Variants in NCR1 observed in about 807,000 individuals in gnomAD.
NCR1 encodes the protein NK cell-activating receptor.
NCR1 carries 30 observed loss-of-function variants against 32.5 expected under a neutral mutation model. The ratio of observed to expected loss-of-function variants is 0.92; its 90% CI spans 0.69 to 1.25. NCR1 has a LOEUF of 1.25. NCR1 is among the 50% of genes most tolerant of loss of function. The pLI, the probability that NCR1 is intolerant of heterozygous loss-of-function variation, is 0.00. For missense variants in NCR1, 369 were observed against 380.7 expected (o/e 0.97, Z 0.26); for synonymous variants, 169 against 143.4 (o/e 1.18, Z -1.28).
At chr19:54,906,467 C>T in intron 2 of NCR1, 56 bp from the exon 3 acceptor site, 1 of 1,599,474 alleles carries the variant, frequency 6.3e-7, no homozygotes, top group East Asian at 2.2e-5. Flanking sequence ...CTGGGTGGAG[C>T]CTAAGGTTGG....
In NCR1 at chr19:54,909,336, A is replaced by C. The variant is rs2067823613; in HGVS notation, c.447A>C (p.Ala149=). 1 of 1,614,158 alleles carries C rather than the reference A, an allele frequency of 6.2e-7. No individual in the cohort carries two copies. The highest frequency in any genetic ancestry group is 8.5e-7 in the Non-Finnish European group (1 of 1,180,014). Residue 149 remains alanine (A), a synonymous_variant, in exon 4 of 7, where the codon GCA becomes GCC. Transcript: ENST00000291890. The part of the protein sequence containing the change: ...KVTFYCRLDT[A]TSMFLLLKEG... ...CCTTCTACTGCCGTCTAGACACTGCAACAAGCATGTTCTTACTGCTCAAGG... is the reference window on the plus strand; with the variant it reads ...CCTTCTACTGCCGTCTAGACACTGCCACAAGCATGTTCTTACTGCTCAAGG...
At chr19:54,906,364 C>T (rs369089176) in intron 2 of NCR1, 30 bp downstream of exon 2, 48 of 1,611,722 alleles carry the variant, frequency 3.0e-5, no homozygotes, top group Non-Finnish European at 4.0e-5. Flanking sequence ...CCCAGGGTCA[C>T]TCTTCCGGAT....
chr19:54,912,969 C>A lies in NCR1; in HGVS notation c.*98C>A. Reference sequence around the variant, plus strand: ...GTGTTGGACCCACGGAGGAGGGAGTCACTGCAGGGAAAGAGGGACACTGGC... The same window carrying A: ...GTGTTGGACCCACGGAGGAGGGAGTAACTGCAGGGAAAGAGGGACACTGGC... On this transcript the variant is annotated 3_prime_UTR_variant, in exon 7 of 7. Coordinates refer to ENST00000291890, the MANE Select transcript of NCR1 (RefSeq NM_004829.7). The A allele has an allele frequency of 8.4e-7, 1 of 1,191,362 alleles. No homozygotes were observed. The highest frequency in any genetic ancestry group is 1.5e-5 in the South Asian group (1 of 65,670). The allele number at this position is 1,191,362 out of a possible 1,614,324, so 73.8% of individuals were successfully genotyped here. A position where few individuals can be genotyped will look rare whatever the true frequency, so the allele number is the denominator to read the frequency against.
the NCR1 span, chr19:54,936,299 G>A: frequency 2.5e-6 from 4 of 1,613,922 alleles, no homozygotes; most frequent in African/African-American, 1.3e-5. Flanking sequence ...TTCTGAGCAG[G>A]TCACACAGCA....
chr19:54,921,317 G>A, the NCR1 span, among the ~76,000 whole-genome samples: 2 of 152,158 alleles, frequency 1.3e-5, no homozygotes, highest in Non-Finnish European at 1.5e-5. Flanking sequence ...ACTACCAGCT[G>A]ACTGTAGCCT....
At chr19:54,931,096 G>A in the NCR1 span, among the ~76,000 whole-genome samples, 1 of 152,120 alleles carries the variant, frequency 6.6e-6, no homozygotes, top group African/African-American at 2.4e-5. Flanking sequence ...CCATGAACTG[G>A]AGCTATATAC....
At chr19:54,912,607 A>AG in intron 6 of NCR1, 83 bp from the exon 7 acceptor site, 1 of 41,096 alleles carries the variant, frequency 2.4e-5, no homozygotes, top group South Asian at 4.4e-4. Flanking sequence ...CTCAAAAAAA[A>AG]AAAAAAAAAA....
At position 54,908,594 on chromosome 19, in the gene NCR1, G is replaced by A. The variant is rs187632651; in HGVS notation, c.356-651G>A. 2.4e-3 allele frequency among the ~76,000 whole-genome samples: 361 copies of A among 152,082 alleles called. 2 individuals are homozygous for A. Among genetic ancestry groups the A allele is most frequent in the African/African-American group, 8.2e-3 (340 of 41,506 alleles). On this transcript the variant is annotated intron_variant, in intron 3 of 6. Coordinates refer to ENST00000291890, the MANE Select transcript of NCR1 (RefSeq NM_004829.7). ...AGAGGCGCCCCCCCACCTCCCAGAC[G>A]GGGCAGTGGCCGGGCGGGGGCTGCC...
At chr19:54,918,702 G>A (rs1159386309), downstream of NCR1, among the ~76,000 whole-genome samples, 1 of 151,834 alleles carries the variant, frequency 6.6e-6, no homozygotes, top group Admixed American at 6.6e-5. Flanking sequence ...AGCCAGGCAC[G>A]GTGGCGGTGG....
At position 54,906,796 on chromosome 19, in the gene NCR1, TG is replaced by T. The variant is rs1228304424; in HGVS notation, c.346del (p.Val116TrpfsTer2). 1 of 1,613,984 alleles carries T rather than the reference TG, an allele frequency of 6.2e-7. No homozygotes were observed. Among genetic ancestry groups the T allele is most frequent in the Non-Finnish European group, 8.5e-7 (1 of 1,179,990 alleles). ...TCAGAGCCCAGCAACTTGCTGGATCTGGTGGTAACAGGTAACTGTCCGGTTC... is the reference window on the plus strand; with the variant it reads ...TCAGAGCCCAGCAACTTGCTGGATCTGTGGTAACAGGTAACTGTCCGGTTC... The part of the protein sequence containing the change: ...LWSEPSNLLD[L>X]VVTEMYDTPT... On this transcript the variant is annotated frameshift_variant, in exon 3 of 7. Coordinates refer to ENST00000291890, the MANE Select transcript of NCR1 (RefSeq NM_004829.7). LOFTEE classifies it high-confidence loss of function.
chr19:54,918,609 C>T (rs145193911), downstream of NCR1, among the ~76,000 whole-genome samples: 3 of 152,072 alleles, frequency 2.0e-5, no homozygotes, highest in East Asian at 1.9e-4. Context: ...TCCCTTCTGC[C>T]CTCCCCCTTC....
At chr19:54,899,530 G>A in the NCR1 span, among the ~76,000 whole-genome samples, 1 of 151,942 alleles carries the variant, frequency 6.6e-6, no homozygotes, top group African/African-American at 2.4e-5. Context: ...AAGAGGTCGG[G>A]GTGTGGAAAT....
At chr19:54,925,748 C>T in the NCR1 span, among the ~76,000 whole-genome samples, 3 of 152,156 alleles carry the variant, frequency 2.0e-5, no homozygotes, top group Non-Finnish European at 2.9e-5. Context: ...CCTGTAATCC[C>T]AGCACTTTGG....
the NCR1 span, among the ~76,000 whole-genome samples, chr19:54,936,895 A>G: frequency 3.3e-5 from 5 of 151,626 alleles, no homozygotes; most frequent in Admixed American, 2.6e-4. Context: ...AGCCTGGGCA[A>G]CAGAGCAAGA....
At chr19:54,921,542 C>T in the NCR1 span, among the ~76,000 whole-genome samples, 1 of 152,128 alleles carries the variant, frequency 6.6e-6, no homozygotes, top group Non-Finnish European at 1.5e-5. Context: ...GAGGCCAAGG[C>T]GGGCAGATCA....
downstream of NCR1, among the ~76,000 whole-genome samples, chr19:54,919,176 C>A (rs915052696): frequency 1.3e-5 from 2 of 152,070 alleles, no homozygotes; most frequent in Non-Finnish European, 2.9e-5. Context: ...GGGTCTCTCC[C>A]TGTGTGCGGC....
chr19:54,935,118 A>G, the NCR1 span, among the ~76,000 whole-genome samples: 1 of 152,190 alleles, frequency 6.6e-6, no homozygotes, highest in Non-Finnish European at 1.5e-5. Flanking sequence ...TGCTTCTTCA[A>G]GTATCCCCAT....
chr19:54,934,709 C>T, the NCR1 span: 1 of 1,471,850 alleles, frequency 6.8e-7, no homozygotes, highest in East Asian at 2.4e-5. The surrounding 1 kb of genome is among the most constrained non-coding windows in gnomAD (Gnocchi z 6.7). Context: ...AGAGTATACC[C>T]TATCAGCTTT....
the NCR1 span, among the ~76,000 whole-genome samples, chr19:54,921,899 ATT>A: frequency 9.6e-5 from 14 of 145,372 alleles, no homozygotes; most frequent in East Asian, 2.0e-4. Flanking sequence ...CAATGCTCTT[ATT>A]TTTTTTTTTT....
Sources: allele counts gnomAD v4.1 joint callset (sites outside exome capture counted in the v4.1 genomes callset), GRCh38; gene constraint gnomAD v4.1.1; non-coding constraint Gnocchi (gnomAD v3.1); transcripts MANE v1.5; gene names NCBI Gene and HGNC (gene_info 2026-07-23, HGNC 2026-07-21).